The following SLC27A1 variants were observed in gnomAD, a reference collection of about 807,000 sequenced individuals.
SLC27A1 encodes solute carrier family 27 member 1.
SLC27A1 carries 61 observed loss-of-function variants against 62.2 expected under a neutral mutation model. That is an observed-to-expected ratio of 0.98 (90% CI 0.80 to 1.21). The LOEUF (loss-of-function observed/expected upper bound fraction) is 1.21, where lower values mean the gene tolerates loss of function less well. Among genes scored for constraint, SLC27A1 ranks in the 50% most tolerant of loss-of-function variants. The pLI, the probability that SLC27A1 is intolerant of heterozygous loss-of-function variation, is 0.00. For missense variants in SLC27A1, 903 were observed against 932.1 expected, an observed-to-expected ratio of 0.97 and a Z score of 0.41; for synonymous variants, 435 against 408.6, an observed-to-expected ratio of 1.06 and a Z score of -0.78.
At chr19:17,470,019 GC>G, upstream of SLC27A1, among the ~76,000 whole-genome samples, 1 of 152,172 alleles carries the variant, frequency 6.6e-6, no homozygotes, top group East Asian at 1.9e-4. Context: ...TAAGGGCGGG[GC>G]CCAGTGAGTG....
chr19:17,503,275 C>T (rs1039762867), intron 11 of SLC27A1, among the ~76,000 whole-genome samples: 1 of 152,122 alleles, frequency 6.6e-6, no homozygotes, highest in African/African-American at 2.4e-5. Flanking sequence ...ACTGTGTTGC[C>T]CAGGCTGGTC....
chr19:17,470,753 G>A, intron 1 of SLC27A1, 46 bp downstream of exon 1: 1 of 1,512,268 alleles, frequency 6.6e-7, no homozygotes, highest in East Asian at 2.4e-5. Flanking sequence ...GGGGCTGAGG[G>A]CTCTGGGGGC....
intron 6 of SLC27A1, among the ~76,000 whole-genome samples, chr19:17,494,785 A>AT (rs998821136): frequency 2.3e-5 from 2 of 88,426 alleles, no homozygotes; most frequent in African/African-American, 9.2e-5. Flanking sequence ...TCTACCGAGG[A>AT]TTTTTTGTTT....
At position 17,504,611 on chromosome 19, in the gene SLC27A1, G is replaced by A. The variant is rs766382244; in HGVS notation, c.1940G>A (p.Ter647=). The change falls in exon 12 of 12, where the codon TGA becomes TAA. Residue 647 remains the stop codon, a stop_retained_variant. Coordinates refer to ENST00000252595, the MANE Select transcript of SLC27A1 (RefSeq NM_198580.3). The part of the protein sequence containing the change: ...TRICSGAFAL[*] ...ATCTGCTCGGGCGCCTTCGCCCTCT[G>A]AAGCTGTTCCTCTACTGGCCACAAA... 3 of 1,614,060 alleles carry A rather than the reference G, an allele frequency of 1.9e-6. No individual in the cohort carries two copies. In the South Asian group the frequency reaches 3.3e-5, roughly 18 times the overall value.
rs1175394305 is a variant in SLC27A1 at position 17,502,335 on chromosome 19, G to GTTTTTTTTTT, written c.1783+924_1783+925insTTTTTTTTTT. On this transcript the variant is annotated intron_variant, in intron 11 of 11. Coordinates refer to ENST00000252595, the MANE Select transcript of SLC27A1 (RefSeq NM_198580.3). ...CTGCCACTAAGCATTCTGAAATAGTGTTTTTTTTGTTTTTTTTTTTTTTTT... is the reference window on the plus strand; with the variant it reads ...CTGCCACTAAGCATTCTGAAATAGTGTTTTTTTTTTTTTTTTTTGTTTTTTTTTTTTTTTT... 1.1e-3 allele frequency among the ~76,000 whole-genome samples: 84 copies of GTTTTTTTTTT among 75,900 alleles called. 27 individuals carry two copies. Among genetic ancestry groups the GTTTTTTTTTT allele is most frequent in the Non-Finnish European group, 1.7e-3 (67 of 40,076 alleles). The allele number at this position is 75,900 out of a possible 152,430, so 49.8% of individuals were successfully genotyped here. A position where few individuals can be genotyped will look rare whatever the true frequency, so the allele number is the denominator to read the frequency against.
intron 1 of SLC27A1, among the ~76,000 whole-genome samples, chr19:17,480,216 C>T (rs755814031): frequency 7.9e-5 from 12 of 151,468 alleles, no homozygotes; most frequent in Non-Finnish European, 1.5e-4. Flanking sequence ...TTAGTAGAGA[C>T]GGGGTTTCAC....
chr19:17,470,422 C>G, upstream of SLC27A1: 5 of 1,210,896 alleles, frequency 4.1e-6, no homozygotes, highest in Non-Finnish European at 4.3e-6. Flanking sequence ...TCGCGGGGGG[C>G]GCAGAGCCGA....
chr19:17,471,913 G>C (rs929766837), intron 1 of SLC27A1, among the ~76,000 whole-genome samples: 1 of 152,150 alleles, frequency 6.6e-6, no homozygotes, highest in East Asian at 1.9e-4. Flanking sequence ...CCTACCATCT[G>C]TTCCCTGCCC....
intron 1 of SLC27A1, among the ~76,000 whole-genome samples, chr19:17,485,298 T>G (rs1429743202): frequency 6.8e-6 from 1 of 147,570 alleles, no homozygotes; most frequent in Non-Finnish European, 1.5e-5. Context: ...TAAGCAATTC[T>G]CCTGCCTCAG....
intron 1 of SLC27A1, among the ~76,000 whole-genome samples, chr19:17,480,431 C>G (rs1170210034): frequency 6.6e-6 from 1 of 151,584 alleles, no homozygotes; most frequent in Non-Finnish European, 1.5e-5. Context: ...ATTGCAGTGG[C>G]ATTATCATGG....
chr19:17,504,474 G>A lies in SLC27A1; in HGVS notation c.1803G>A (p.Lys601=). The part of the protein sequence containing the change: ...VDTTGTFKIQ[K]TRLQREGFDP... ...CTATAGGCACCTTCAAGATCCAGAA[G>A]ACGAGGCTGCAGCGAGAGGGCTTTG... Residue 601 remains lysine, a synonymous_variant, in exon 12 of 12, where the codon AAG becomes AAA. Transcript: ENST00000252595. 1.9e-6 allele frequency: 3 copies of A among 1,614,168 alleles called. No individual in the cohort carries two copies. The highest frequency in any genetic ancestry group is 2.5e-6 in the Non-Finnish European group (3 of 1,180,024).
At chr19:17,489,554 G>C (rs2075275227) in intron 6 of SLC27A1, among the ~76,000 whole-genome samples, 1 of 152,204 alleles carries the variant, frequency 6.6e-6, no homozygotes, top group South Asian at 2.1e-4. Context: ...ATGCGGCTAG[G>C]ATTGGGCCCA....
At chr19:17,469,764 G>C (rs564155333), upstream of SLC27A1, among the ~76,000 whole-genome samples, 12 of 151,824 alleles carry the variant, frequency 7.9e-5, no homozygotes, top group African/African-American at 2.7e-4. Flanking sequence ...GGTGGCGACC[G>C]AGCCAAAGCC....
At chr19:17,481,284 ACGTTGCTC>A (rs1390465375) in intron 1 of SLC27A1, among the ~76,000 whole-genome samples, 1 of 147,496 alleles carries the variant, frequency 6.8e-6, no homozygotes, top group Non-Finnish European at 1.5e-5. Context: ...AGCTGCATCC[ACGTTGCTC>A]CAAAGCACAT....
intron 1 of SLC27A1, among the ~76,000 whole-genome samples, chr19:17,473,282 T>G (rs1013772419): frequency 1.3e-5 from 2 of 152,218 alleles, no homozygotes; most frequent in Admixed American, 6.5e-5. Flanking sequence ...CAGTTGGAGT[T>G]GCAAACTCAT....
chr19:17,487,623 C>A, intron 4 of SLC27A1, 94 bp downstream of exon 4: 1 of 1,246,716 alleles, frequency 8.0e-7, no homozygotes, highest in East Asian at 2.5e-5. Context: ...GTGGGCATCT[C>A]CATGTTACCC....
intron 1 of SLC27A1, among the ~76,000 whole-genome samples, chr19:17,473,072 A>G (rs2075091873): frequency 6.6e-6 from 1 of 152,156 alleles, no homozygotes; most frequent in Non-Finnish European, 1.5e-5. Context: ...GGCTGGGATG[A>G]CAGGTGCACA....
chr19:17,473,206 T>G (rs2075093211), intron 1 of SLC27A1, among the ~76,000 whole-genome samples: 1 of 152,176 alleles, frequency 6.6e-6, no homozygotes, highest in Admixed American at 6.5e-5. Flanking sequence ...GTGCTGGGAT[T>G]ACCGCGCCCA....
rs148855580 is a variant in SLC27A1 at position 17,487,482 on chromosome 19, G to T, written c.747G>T (p.Thr249=). ...GMDDRLFYIY[T]SGTTGLPKAA... ...CAGATCGTCTTTTCTACATCTACAC[G>T]TCGGGGACCACCGGGCTGCCCAAGG... The change falls in exon 4 of 12, where the codon ACG becomes ACT. Residue 249 remains threonine, a synonymous_variant. Transcript: ENST00000252595. The T allele has an allele frequency of 2.5e-6, 4 of 1,586,968 alleles. No homozygotes were observed. The highest frequency in any genetic ancestry group is 3.4e-6 in the Non-Finnish European group (4 of 1,171,346).
Sources: allele counts gnomAD v4.1 joint callset (sites outside exome capture counted in the v4.1 genomes callset), GRCh38; gene constraint gnomAD v4.1.1; transcripts MANE v1.5; gene names NCBI Gene and HGNC (gene_info 2026-07-23, HGNC 2026-07-21).